CCDC91: variants seen among roughly 807,000 people sequenced by gnomAD.
CCDC91 encodes the protein coiled-coil domain-containing protein 91.
Under a neutral mutation model 63.2 loss-of-function variants are expected in CCDC91, and 48 were observed. The ratio of observed to expected loss-of-function variants is 0.76; its 90% CI spans 0.60 to 0.97. The LOEUF (loss-of-function observed/expected upper bound fraction) is 0.97, where lower values mean the gene tolerates loss of function less well. CCDC91 is among the 50% of genes least tolerant of loss of function. The probability of loss-of-function intolerance (pLI) is 0.00; values close to 1 mark genes in which losing one functional copy is unlikely to be tolerated. For synonymous variants in CCDC91, 167 were observed against 165.8 expected (o/e 1.01, Z -0.06); for missense variants, 500 against 494.6 (o/e 1.01, Z -0.10).
chr12:28,524,480 T>TA lies in CCDC91; in HGVS notation c.1216-24582dup, dbSNP rs548939795. Among the ~76,000 whole-genome samples the TA allele has an allele frequency of 1.5e-3, 234 of 152,272 alleles. 1 individual carries two copies. Among genetic ancestry groups the TA allele is most frequent in the Non-Finnish European group, 2.6e-3 (179 of 68,014 alleles). On this transcript the variant is annotated intron_variant, in intron 12 of 12. Coordinates refer to ENST00000536442, the MANE Select transcript of CCDC91 (RefSeq NM_018318.5). ...TTTAATCATGCTGGATTATCTCTGA[T>TA]ATGTTGTTGGATTCAGTTAGCTAGT...
rs200261306 is a variant in CCDC91 at position 28,210,662 on chromosome 12, T to A, written c.-15+20021T>A. Among the ~76,000 whole-genome samples the A allele has an allele frequency of 3.3e-5, 5 of 152,296 alleles. No homozygotes were observed. In the East Asian group the frequency reaches 9.7e-4, roughly 29 times the overall value. ...GCATAGGACTCTTTAATAAAAGTTC[T>A]TATAAATTTTTTATTACCTGACTTT... is the stretch of plus-strand genomic sequence containing the variant. On this transcript the variant is annotated intron_variant, in intron 1 of 12. Coordinates refer to ENST00000536442, the MANE Select transcript of CCDC91 (RefSeq NM_018318.5).
At chr12:28,259,905 A>G (rs1946717526) in intron 3 of CCDC91, among the ~76,000 whole-genome samples, 1 of 152,012 alleles carries the variant, frequency 6.6e-6, no homozygotes, top group African/African-American at 2.4e-5. Flanking sequence ...TTATTGACAG[A>G]TGTTTCTTGG....
chr12:28,364,165 C>T (rs1207451751), intron 7 of CCDC91, among the ~76,000 whole-genome samples: 2 of 151,960 alleles, frequency 1.3e-5, no homozygotes, highest in African/African-American at 4.8e-5. Context: ...GTGGGTGGAT[C>T]ACCTGAGGTC....
At chr12:28,301,328 T>C (rs1451606781) in intron 3 of CCDC91, among the ~76,000 whole-genome samples, 1 of 151,650 alleles carries the variant, frequency 6.6e-6, no homozygotes, top group Non-Finnish European at 1.5e-5. Flanking sequence ...GATAATCATA[T>C]AATTTTTTTT....
chr12:28,318,445 A>G (rs1276719624), intron 6 of CCDC91, among the ~76,000 whole-genome samples: 1 of 151,854 alleles, frequency 6.6e-6, no homozygotes, highest in Non-Finnish European at 1.5e-5. Context: ...GTAGGCTGAG[A>G]CTAAAGGATT....
chr12:28,343,863 G>A (rs1942616175), intron 6 of CCDC91, among the ~76,000 whole-genome samples: 1 of 152,006 alleles, frequency 6.6e-6, no homozygotes, highest in Non-Finnish European at 1.5e-5. Flanking sequence ...CAGACACTAT[G>A]CATTATTCTA....
chr12:28,362,262 A>G lies in CCDC91; in HGVS notation c.577-176A>G, dbSNP rs1264565575. On this transcript the variant is annotated intron_variant, in intron 6 of 12. Coordinates refer to ENST00000536442, the MANE Select transcript of CCDC91 (RefSeq NM_018318.5). ...TTCCTCATTGCCTCAGTGTTCTCCAATGCTTTTAAGCAAAGCTTTATATAT... is the reference window on the plus strand; with the variant it reads ...TTCCTCATTGCCTCAGTGTTCTCCAGTGCTTTTAAGCAAAGCTTTATATAT... Among the ~76,000 whole-genome samples the G allele has an allele frequency of 2.0e-5, 3 of 146,816 alleles. No homozygotes were observed. In the Admixed American group the frequency reaches 2.1e-4, roughly 10 times the overall value.
chr12:28,396,210 A>G (rs1339881426), intron 8 of CCDC91, among the ~76,000 whole-genome samples: 1 of 152,186 alleles, frequency 6.6e-6, no homozygotes, highest in Non-Finnish European at 1.5e-5. Flanking sequence ...AAAGAGGCAG[A>G]TGGAATTGCA....
At chr12:28,441,344 A>T (rs1949197187) in intron 8 of CCDC91, among the ~76,000 whole-genome samples, 1 of 151,928 alleles carries the variant, frequency 6.6e-6, no homozygotes, top group Non-Finnish European at 1.5e-5. Flanking sequence ...AAATTTAATC[A>T]TACACAGTCC....
At chr12:28,325,559 A>G (rs1018919658) in intron 6 of CCDC91, among the ~76,000 whole-genome samples, 3 of 151,348 alleles carry the variant, frequency 2.0e-5, no homozygotes, top group African/African-American at 7.3e-5. Flanking sequence ...TAAAGGATAC[A>G]TTGTGAGTAT....
At chr12:28,302,993 C>G in intron 3 of CCDC91, among the ~76,000 whole-genome samples, 1 of 151,674 alleles carries the variant, frequency 6.6e-6, no homozygotes. Flanking sequence ...GGAGAAAGAG[C>G]CTGAAAAGGA....
chr12:28,334,744 C>A (rs968829841), intron 6 of CCDC91, among the ~76,000 whole-genome samples: 12 of 152,098 alleles, frequency 7.9e-5, no homozygotes, highest in South Asian at 2.1e-4. Context: ...GTATCATATA[C>A]ATTTACCTTA....
At chr12:28,431,760 T>C (rs1159033045) in intron 8 of CCDC91, among the ~76,000 whole-genome samples, 1 of 152,042 alleles carries the variant, frequency 6.6e-6, no homozygotes, top group East Asian at 1.9e-4. Flanking sequence ...CACCATAATT[T>C]GCATTGGGGT....
At chr12:28,362,343 G>GAAT in intron 6 of CCDC91, 95 bp from the exon 7 acceptor site, 1 of 711,230 alleles carries the variant, frequency 1.4e-6, no homozygotes, top group East Asian at 2.9e-5. Context: ...ACAAACCACT[G>GAAT]AATCATTCGT....
chr12:28,478,449 A>G (rs1951244467), intron 11 of CCDC91, among the ~76,000 whole-genome samples: 1 of 152,184 alleles, frequency 6.6e-6, no homozygotes, highest in Non-Finnish European at 1.5e-5. Flanking sequence ...TACACCTTAT[A>G]CAAAAATTAA....
intron 8 of CCDC91, among the ~76,000 whole-genome samples, chr12:28,429,648 C>A (rs977769291): frequency 1.3e-5 from 2 of 151,880 alleles, no homozygotes; most frequent in African/African-American, 4.8e-5. Flanking sequence ...TTTTGACTAG[C>A]AGAGAAAGTA....
intron 8 of CCDC91, among the ~76,000 whole-genome samples, chr12:28,431,849 A>G (rs1340709053): frequency 6.6e-6 from 1 of 152,078 alleles, no homozygotes; most frequent in Non-Finnish European, 1.5e-5. Context: ...ATGATACAAA[A>G]TAGTTTCACT....
intron 8 of CCDC91, among the ~76,000 whole-genome samples, chr12:28,418,412 A>T (rs1479819878): frequency 6.6e-6 from 1 of 152,174 alleles, no homozygotes; most frequent in Non-Finnish European, 1.5e-5. Context: ...AGGTAGTATT[A>T]TATAGTTGTC....
intron 3 of CCDC91, among the ~76,000 whole-genome samples, chr12:28,288,404 TGAA>T (rs1275803685): frequency 6.6e-6 from 1 of 152,218 alleles, no homozygotes; most frequent in East Asian, 1.9e-4. Context: ...GTTTTTAACA[TGAA>T]GGAATGTTGA....
Sources: allele counts gnomAD v4.1 joint callset (sites outside exome capture counted in the v4.1 genomes callset), GRCh38; gene constraint gnomAD v4.1.1; transcripts MANE v1.5; gene names NCBI Gene and HGNC (gene_info 2026-07-23, HGNC 2026-07-21).